PDZD2: variants seen among roughly 807,000 people sequenced by gnomAD.
The protein encoded by PDZD2 is PDZ domain-containing protein 2.
PDZD2 carries 90 observed loss-of-function variants against 220.7 expected under a neutral mutation model. The observed-to-expected ratio is 0.41, with a 90% confidence interval of 0.34 to 0.49. The LOEUF (loss-of-function observed/expected upper bound fraction) is 0.49, where lower values mean the gene tolerates loss of function less well. PDZD2 is among the 20% of genes least tolerant of loss of function. PDZD2 has a pLI of 0.28. For synonymous variants in PDZD2, 1,375 were observed against 1,450.5 expected (o/e 0.95, Z 1.18); for missense variants, 3,174 against 3,608.5 (o/e 0.88, Z 3.08).
intron 2 of PDZD2, among the ~76,000 whole-genome samples, chr5:31,930,805 C>T (rs1434582660): frequency 6.6e-6 from 1 of 152,110 alleles, no homozygotes; most frequent in Admixed American, 6.5e-5. Context: ...CGCGGTGGCT[C>T]AGGCCTGTAA....
chr5:31,734,826 A>G (rs1377320422), intron 1 of PDZD2, among the ~76,000 whole-genome samples: 4 of 152,322 alleles, frequency 2.6e-5, no homozygotes, highest in Admixed American at 2.0e-4. Context: ...CAGTCATCTC[A>G]TTAGCATAAG....
rs546279026 is a variant in PDZD2, at chr5:31,975,521, T to G, written c.477-7634T>G. ...CATATTCCCTGCTCTAGATTCCAGA[T>G]AAGGGAGAGGAGGGAGGCGGTGCTC... On this transcript the variant is annotated intron_variant, in intron 2 of 24. Coordinates refer to ENST00000438447, the MANE Select transcript of PDZD2 (RefSeq NM_178140.4). Among the ~76,000 whole-genome samples the G allele has an allele frequency of 6.6e-5, 10 of 152,280 alleles. No individual in the cohort carries two copies. In the East Asian group the frequency reaches 1.9e-3, roughly 29 times the overall value.
chr5:31,887,751 G>C (rs1485997942), intron 2 of PDZD2, among the ~76,000 whole-genome samples: 1 of 152,036 alleles, frequency 6.6e-6, no homozygotes, highest in African/African-American at 2.4e-5. Context: ...AAATACTGAG[G>C]GTTGCCTGTG....
At chr5:32,003,456 A>C (rs1581253856) in intron 5 of PDZD2, among the ~76,000 whole-genome samples, 1 of 62,266 alleles carries the variant, frequency 1.6e-5, no homozygotes, top group Non-Finnish European at 2.9e-5. Context: ...TCCCCCCAAC[A>C]CACACCCACC....
chr5:32,088,985 C>T lies in PDZD2; in HGVS notation c.5537C>T (p.Thr1846Ile). ...AGTTCAAGCCAAAAAAAGGGCGTTA[C>T]TGTGCCTCATAGCCCTCCTCAGCCG... ...MVSSSQKKGV[T>I]VPHSPPQPKT... is the part of the protein sequence containing the mutation. The change falls in exon 20 of 25, where the codon ACT (threonine) becomes ATT (isoleucine). Residue 1846 changes from threonine to isoleucine, a missense_variant. Around this residue, in one of 4 missense-constraint regions of PDZD2, gnomAD observed 1,861 missense variants for 2,001.0 expected, o/e 0.93. Coordinates refer to ENST00000438447, the MANE Select transcript of PDZD2 (RefSeq NM_178140.4). This position sits in a 1 kb window ranked among gnomAD's most constrained non-coding sequence, Gnocchi z 4.6. The T allele has an allele frequency of 6.2e-7, 1 of 1,614,030 alleles. No homozygotes were observed.
chr5:31,752,395 A>G (rs1751051385), intron 1 of PDZD2, among the ~76,000 whole-genome samples: 1 of 152,012 alleles, frequency 6.6e-6, no homozygotes, highest in Non-Finnish European at 1.5e-5. Flanking sequence ...CTAAAAATAC[A>G]AAAATTAGCC....
At chr5:31,669,711 C>A (rs1482903295) in intron 1 of PDZD2, among the ~76,000 whole-genome samples, 1 of 152,158 alleles carries the variant, frequency 6.6e-6, no homozygotes, top group Non-Finnish European at 1.5e-5. Context: ...AAAGAAGAGG[C>A]TTTACAGGCT....
chr5:32,096,345 C>T (rs1743694092), intron 21 of PDZD2, among the ~76,000 whole-genome samples: 1 of 152,090 alleles, frequency 6.6e-6, no homozygotes, highest in South Asian at 2.1e-4. Context: ...GAGACAGAGC[C>T]TCACTCCATC....
At chr5:31,657,157 A>T (rs29747) in intron 1 of PDZD2, 107,508 of 152,122 alleles carry the variant, frequency 0.71, 39,925 homozygotes, top group East Asian at 0.81. Context: ...TTTTTATCCA[A>T]AGGGGATAAG....
At chr5:31,784,555 A>G (rs1753261519) in intron 1 of PDZD2, among the ~76,000 whole-genome samples, 1 of 152,210 alleles carries the variant, frequency 6.6e-6, no homozygotes, top group African/African-American at 2.4e-5. Context: ...GAAAGTGGGT[A>G]TGAATAGAAG....
intron 2 of PDZD2, among the ~76,000 whole-genome samples, chr5:31,838,633 C>G (rs10053825): frequency 6.6e-6 from 1 of 152,134 alleles, no homozygotes; most frequent in Non-Finnish European, 1.5e-5. Context: ...GCTAGGCAAA[C>G]AAGTCATCGT....
chr5:31,829,182 G>C (rs1756401425), intron 2 of PDZD2, among the ~76,000 whole-genome samples: 1 of 152,122 alleles, frequency 6.6e-6, no homozygotes, highest in African/African-American at 2.4e-5. Flanking sequence ...GTTGATTTTG[G>C]TCATTTTTTC....
At chr5:31,652,363 G>A (rs1745385706) in intron 1 of PDZD2, among the ~76,000 whole-genome samples, 1 of 152,100 alleles carries the variant, frequency 6.6e-6, no homozygotes, top group Non-Finnish European at 1.5e-5. Flanking sequence ...AGCATGTAAG[G>A]TTTGCCAACA....
chr5:32,013,499 A>G (rs1434344728), intron 6 of PDZD2, among the ~76,000 whole-genome samples: 7 of 152,000 alleles, frequency 4.6e-5, no homozygotes, highest in Admixed American at 4.6e-4. Context: ...TTGTTTTATG[A>G]GTTTATTACT....
At chr5:31,790,072 C>T (rs1753610974) in intron 1 of PDZD2, among the ~76,000 whole-genome samples, 1 of 152,186 alleles carries the variant, frequency 6.6e-6, no homozygotes. Flanking sequence ...TTGTTTATGG[C>T]CTTCCATGGC....
chr5:31,775,664 CGTGTGTGTGTGTGTGTGTGTGTGT>C (rs370394146), intron 1 of PDZD2, among the ~76,000 whole-genome samples: 2 of 135,374 alleles, frequency 1.5e-5, no homozygotes, highest in Non-Finnish European at 3.1e-5. Flanking sequence ...ACTCACAGAG[CGTGTGTGTGTGTGTGTGTGTGTGT>C]GTGTGTGTGT....
intron 2 of PDZD2, among the ~76,000 whole-genome samples, chr5:31,941,470 G>C (rs981891142): frequency 6.6e-6 from 1 of 152,232 alleles, no homozygotes; most frequent in African/African-American, 2.4e-5. Flanking sequence ...AGTGCTGCAG[G>C]AAAGAAGGTG....
chr5:31,775,174 T>C (rs1752567325), intron 1 of PDZD2, among the ~76,000 whole-genome samples: 1 of 152,208 alleles, frequency 6.6e-6, no homozygotes. Context: ...TTTCTCAAAT[T>C]ACTTATTTGA....
chr5:31,893,307 G>A (rs998023785), intron 2 of PDZD2, among the ~76,000 whole-genome samples: 30 of 152,102 alleles, frequency 2.0e-4, no homozygotes, highest in African/African-American at 7.0e-4. Context: ...GCGGTGGCTC[G>A]TGCCTGTAAT....
Sources: gnomAD v4.1 joint callset for allele counts (sites outside exome capture counted in the v4.1 genomes callset) on GRCh38, gnomAD v4.1.1 for gene constraint, gnomAD v4.1.1 regional missense constraint, Gnocchi (gnomAD v3.1) non-coding constraint, MANE v1.5 for transcripts, NCBI Gene and HGNC (gene_info 2026-07-23, HGNC 2026-07-21) for gene names.